The following HECTD2 variants were observed in gnomAD, a reference collection of about 807,000 sequenced individuals.
The protein encoded by HECTD2 is HECT domain E3 ubiquitin protein ligase 2, also known as probable E3 ubiquitin-protein ligase HECTD2.
In HECTD2, 35 loss-of-function variants were observed where a neutral mutation model predicts 103.2. That is an observed-to-expected ratio of 0.34 (90% CI 0.26 to 0.45). The LOEUF (loss-of-function observed/expected upper bound fraction) is 0.45, where lower values mean the gene tolerates loss of function less well. HECTD2 is among the 20% of genes least tolerant of loss of function. HECTD2 has a pLI of 1.00. For missense variants in HECTD2, 596 were observed against 937.4 expected (o/e 0.64, Z 4.76); for synonymous variants, 281 against 329.9 (o/e 0.85, Z 1.61).
intron 5 of HECTD2, among the ~76,000 whole-genome samples, chr10:91,465,075 T>C (rs1031672907): frequency 1.3e-5 from 2 of 152,218 alleles, no homozygotes; most frequent in Non-Finnish European, 2.9e-5. Flanking sequence ...AACAAATCTT[T>C]AACTTTTAGT....
intron 20 of HECTD2, among the ~76,000 whole-genome samples, chr10:91,508,337 C>A (rs1178089266): frequency 2.7e-5 from 4 of 146,808 alleles, no homozygotes; most frequent in Non-Finnish European, 6.0e-5. Context: ...GAACAGGCAA[C>A]CTACAAAATG....
Position 91,487,363 on chromosome 10 carries a change from C to T in HECTD2, c.1095-319C>T, listed in dbSNP as rs1169393748. 3 of 290,736 alleles carry T rather than the reference C, an allele frequency of 1.0e-5. No homozygotes were observed. Among genetic ancestry groups the T allele is most frequent in the Non-Finnish European group, 2.0e-5 (3 of 148,230 alleles). 18.0% of individuals were successfully genotyped at this position (290,736 alleles called of 1,614,324 possible). A position where few individuals can be genotyped will look rare whatever the true frequency, so the allele number is the denominator to read the frequency against. On this transcript the variant is annotated intron_variant, in intron 10 of 20. Coordinates refer to ENST00000298068, the MANE Select transcript of HECTD2 (RefSeq NM_182765.6). The surrounding 1 kb of genome is among the most constrained non-coding windows in gnomAD (Gnocchi z 4.1). ...TAACCAACACTTCTCCCTCCTGGTT[C>T]TGGTATTGGCCATGTTGTTCACAGG...
Position 91,416,018 on chromosome 10 carries a change from C to G in HECTD2, c.138+5442C>G, listed in dbSNP as rs1159836359. Reference sequence around the variant, plus strand: ...CAACTTTTTTTTTAAACCACAAAGCCGTAAAGTCTCTTTGTCAACTTTTTT... The same window carrying G: ...CAACTTTTTTTTTAAACCACAAAGCGGTAAAGTCTCTTTGTCAACTTTTTT... On this transcript the variant is annotated intron_variant, in intron 1 of 20. Coordinates refer to ENST00000298068, the MANE Select transcript of HECTD2 (RefSeq NM_182765.6). Among the ~76,000 whole-genome samples the G allele has an allele frequency of 4.7e-5, 4 of 85,738 alleles. 1 individual carries two copies. In the South Asian group the frequency reaches 1.4e-3, roughly 30 times the overall value. The allele number at this position is 85,738 out of a possible 152,430, so 56.2% of individuals were successfully genotyped here. A position where few individuals can be genotyped will look rare whatever the true frequency, so the allele number is the denominator to read the frequency against.
chr10:91,499,483 AG>A (rs1381305529), intron 18 of HECTD2, among the ~76,000 whole-genome samples: 1 of 152,190 alleles, frequency 6.6e-6, no homozygotes, highest in Non-Finnish European at 1.5e-5. Flanking sequence ...ATGTAGCTCC[AG>A]GGTAAAAGTT....
chr10:91,476,649 T>C (rs1458699555), intron 5 of HECTD2, among the ~76,000 whole-genome samples: 1 of 152,130 alleles, frequency 6.6e-6, no homozygotes, highest in African/African-American at 2.4e-5. Context: ...AGGCCAGCAT[T>C]TGAGTGACAG....
chr10:91,456,083 A>C (rs565273467), intron 2 of HECTD2, among the ~76,000 whole-genome samples: 188 of 152,250 alleles, frequency 1.2e-3, no homozygotes, highest in Non-Finnish European at 2.1e-3. Flanking sequence ...TATGAACTTT[A>C]AAGTAGTTTT....
At chr10:91,434,282 G>T (rs1303764052) in intron 2 of HECTD2, among the ~76,000 whole-genome samples, 1 of 151,740 alleles carries the variant, frequency 6.6e-6, no homozygotes, top group East Asian at 1.9e-4. Context: ...GTCTTTCCTT[G>T]TTTCAGCTGC....
At chr10:91,464,998 A>T (rs187561737) in intron 5 of HECTD2, among the ~76,000 whole-genome samples, 12 of 152,362 alleles carry the variant, frequency 7.9e-5, no homozygotes, top group African/African-American at 2.4e-4. Context: ...AAAACTCACT[A>T]AAAAATTTTC....
At chr10:91,437,522 C>T (rs575343116) in intron 2 of HECTD2, among the ~76,000 whole-genome samples, 1 of 151,166 alleles carries the variant, frequency 6.6e-6, no homozygotes, top group South Asian at 2.1e-4. Context: ...CAAAGGGAGG[C>T]GAATTAGACT....
In HECTD2 at chr10:91,425,324, G is replaced by C. The variant is rs140699115; in HGVS notation, c.182G>C (p.Ser61Thr). The change falls in exon 2 of 21, where the codon AGT (serine) becomes ACT (threonine). Residue 61 changes from serine (S) to threonine (T), a missense_variant. Physicochemically the swap from Ser to Thr is moderately conservative, Grantham distance 58. Transcript: ENST00000298068. ...AAAGGCCAAATTTCCACTTTCAGCA[G>C]TTTTATTTCAGCTGTTAGCCCGAAG... ...GAKGQISTFS[S>T]FISAVSPKKE... 392 of 1,543,048 alleles carry C rather than the reference G, an allele frequency of 2.5e-4. 2 individuals carry two copies. The African/African-American group carries it at 4.7e-3, about 19-fold the overall frequency.
intron 2 of HECTD2, among the ~76,000 whole-genome samples, chr10:91,439,987 G>C (rs1364658173): frequency 6.6e-6 from 1 of 152,172 alleles, no homozygotes; most frequent in Admixed American, 6.5e-5. Flanking sequence ...TCTGGGCTGA[G>C]ATGATGGGGT....
Position 91,496,305 on chromosome 10 carries a change from C to T in HECTD2, c.1613C>T (p.Pro538Leu), listed in dbSNP as rs1203480209. 1 of 1,612,450 alleles carries T rather than the reference C, an allele frequency of 6.2e-7. No individual in the cohort carries two copies. Residue 538 changes from proline (P) to leucine (L), a missense_variant, in exon 15 of 21, where the codon CCT becomes CTT. This residue lies in a region of HECTD2 where 303 missense variants were observed against 522.5 expected (regional missense o/e 0.58). Transcript: ENST00000298068. ...AAATTATTGAGCCCTCCCATCATTC[C>T]TAGTGATCAAAATATACCAGTAGGC... The part of the protein sequence containing the change: ...YKKLLSPPII[P>L]SDQNIPVGIC...
intron 1 of HECTD2, among the ~76,000 whole-genome samples, chr10:91,415,520 A>G (rs1295094157): frequency 1.3e-5 from 2 of 152,188 alleles, no homozygotes; most frequent in African/African-American, 4.8e-5. Flanking sequence ...CCTGTGAGGA[A>G]GATATTTTTC....
At chr10:91,430,403 T>C (rs1480036939) in intron 2 of HECTD2, among the ~76,000 whole-genome samples, 1 of 152,194 alleles carries the variant, frequency 6.6e-6, no homozygotes, top group Non-Finnish European at 1.5e-5. Context: ...GTCCGCTTGG[T>C]GCAGAGCTGA....
chr10:91,476,890 G>GCGGGCC (rs796183748), intron 5 of HECTD2, among the ~76,000 whole-genome samples: 9 of 152,304 alleles, frequency 5.9e-5, no homozygotes, highest in African/African-American at 1.9e-4. Flanking sequence ...AAAAACCCCT[G>GCGGGCC]CGGGTCCGGG....
chr10:91,425,146 C>A, intron 1 of HECTD2, 135 bp from the exon 2 acceptor site: 1 of 677,058 alleles, frequency 1.5e-6, no homozygotes, highest in Non-Finnish European at 2.2e-6. Flanking sequence ...AAAGGTAAGT[C>A]AAATTTATAT....
rs1413482497 is a variant in HECTD2 at position 91,450,711 on chromosome 10, G to T, written c.269-9716G>T. On this transcript the variant is annotated intron_variant, in intron 2 of 20. Transcript: ENST00000298068. ...AAAAACCATCAAAAAGTGGGCAAAG[G>T]ATATGAACAGACACTTCCCAAAAGA... 2.0e-5 allele frequency among the ~76,000 whole-genome samples: 3 copies of T among 151,210 alleles called. No homozygotes were observed. In the East Asian group the frequency reaches 5.8e-4, roughly 29 times the overall value.
chr10:91,465,657 A>G (rs781627249), intron 5 of HECTD2, among the ~76,000 whole-genome samples: 1 of 151,880 alleles, frequency 6.6e-6, no homozygotes, highest in South Asian at 2.1e-4. Context: ...ATTGGATTTC[A>G]TCAACTGTTT....
At chr10:91,411,968 G>C (rs1400395891) in intron 1 of HECTD2, among the ~76,000 whole-genome samples, 1 of 151,544 alleles carries the variant, frequency 6.6e-6, no homozygotes, top group Non-Finnish European at 1.5e-5. Context: ...GTGGGTTTAG[G>C]TCCTCAAGCA....
Sources: gnomAD v4.1 joint callset for allele counts (sites outside exome capture counted in the v4.1 genomes callset) on GRCh38, gnomAD v4.1.1 for gene constraint, gnomAD v4.1.1 regional missense constraint, Gnocchi (gnomAD v3.1) non-coding constraint, MANE v1.5 for transcripts, NCBI Gene and HGNC (gene_info 2026-07-23, HGNC 2026-07-21) for gene names.